The following DNAI3 variants were observed in gnomAD, a reference collection of about 807,000 sequenced individuals.
DNAI3 encodes dynein axonemal intermediate chain 3.
A neutral mutation model predicts 115.5 loss-of-function variants in DNAI3; 83 were observed. That is an observed-to-expected ratio of 0.72 (90% CI 0.60 to 0.86). The LOEUF is 0.86. DNAI3 is among the 40% of genes least tolerant of loss of function. The pLI is 0.00. For missense variants in DNAI3, 1,004 were observed against 1,075.8 expected (o/e 0.93, Z 0.93); for synonymous variants, 320 against 347.0 (o/e 0.92, Z 0.86).
At chr1:85,103,485 C>T (rs1016764139) in intron 13 of DNAI3, among the ~76,000 whole-genome samples, 10 of 152,162 alleles carry the variant, frequency 6.6e-5, no homozygotes, top group African/African-American at 2.4e-4. Flanking sequence ...CTCATAAAAG[C>T]CTCTATGTTC....
At chr1:85,117,919 C>CAGGG in intron 17 of DNAI3, 60 bp downstream of exon 17, 2 of 1,553,720 alleles carry the variant, frequency 1.3e-6, no homozygotes, top group Non-Finnish European at 1.8e-6. Context: ...TATGTTATTA[C>CAGGG]AATATCTACT....
chr1:85,089,523 A>G (rs1285025308), intron 7 of DNAI3, among the ~76,000 whole-genome samples: 3 of 149,636 alleles, frequency 2.0e-5, no homozygotes, highest in Admixed American at 6.7e-5. Context: ...AATGTATCTT[A>G]TTCCTAGTTT....
At chr1:85,128,158 A>G (rs709781) in intron 20 of DNAI3, among the ~76,000 whole-genome samples, 5,109 of 127,466 alleles carry the variant, frequency 0.04, 127 homozygotes, top group African/African-American at 0.13. Context: ...AAAGAAGAAG[A>G]AGAAGGAGAA....
chr1:85,071,566 C>T (rs1654274526), intron 1 of DNAI3, among the ~76,000 whole-genome samples: 1 of 152,192 alleles, frequency 6.6e-6, no homozygotes, highest in African/African-American at 2.4e-5. Flanking sequence ...GTTGGGAAGC[C>T]CAGCAAAAGG....
intron 8 of DNAI3, among the ~76,000 whole-genome samples, chr1:85,091,566 T>C (rs1160687523): frequency 6.6e-6 from 1 of 152,206 alleles, no homozygotes; most frequent in Non-Finnish European, 1.5e-5. Context: ...ATTCAATAGT[T>C]TTTAATTAAG....
At position 85,095,956 on chromosome 1, in the gene DNAI3, T is replaced by C; in HGVS notation, c.1199T>C (p.Ile400Thr). 1 of 1,614,022 alleles carries C rather than the reference T, an allele frequency of 6.2e-7. No homozygotes were observed. Among genetic ancestry groups the C allele is most frequent in the Non-Finnish European group, 8.5e-7 (1 of 1,179,898 alleles). Residue 400 changes from isoleucine (I) to threonine (T), a missense_variant, in exon 11 of 23, where the codon ATC becomes ACC. Ile to Thr is a moderately conservative substitution (Grantham distance 89). This residue lies in a region of DNAI3 where 550 missense variants were observed against 568.1 expected (regional missense o/e 0.97). Coordinates refer to ENST00000294664, the MANE Select transcript of DNAI3 (RefSeq NM_145172.5). ...PQLMLESPDD[I>T]FCFKFCPSDP... Reference sequence around the variant, plus strand: ...TTAATGCTGGAGAGCCCAGATGACATCTTCTGCTTCAAGTTCTGTCCGAGT... The same window carrying C: ...TTAATGCTGGAGAGCCCAGATGACACCTTCTGCTTCAAGTTCTGTCCGAGT...
chr1:85,100,300 A>G (rs980684935), intron 13 of DNAI3, among the ~76,000 whole-genome samples: 1 of 152,212 alleles, frequency 6.6e-6, no homozygotes, highest in Non-Finnish European at 1.5e-5. Flanking sequence ...ACCCCATCAA[A>G]AAGTGGACGA....
chr1:85,098,321 A>C (rs1191378713), intron 12 of DNAI3, among the ~76,000 whole-genome samples: 1 of 152,230 alleles, frequency 6.6e-6, no homozygotes, highest in African/African-American at 2.4e-5. Context: ...ATACTTGTTA[A>C]GTTTAGAGAA....
intron 4 of DNAI3, among the ~76,000 whole-genome samples, chr1:85,081,940 C>A (rs1416559607): frequency 6.6e-6 from 1 of 152,232 alleles, no homozygotes; most frequent in Non-Finnish European, 1.5e-5. Flanking sequence ...CGTGCTCCGC[C>A]TTTGCCCAGT....
chr1:85,086,138 A>G (rs1654794365), intron 7 of DNAI3, 108 bp downstream of exon 7: 1 of 967,892 alleles, frequency 1.0e-6, no homozygotes, highest in African/African-American at 1.7e-5. Flanking sequence ...TGGATTAATG[A>G]TGATGACACA....
intron 13 of DNAI3, among the ~76,000 whole-genome samples, chr1:85,102,404 A>G (rs955457943): frequency 6.6e-6 from 1 of 152,162 alleles, no homozygotes; most frequent in Non-Finnish European, 1.5e-5. Context: ...TATTTGTACC[A>G]AATATGGTAA....
chr1:85,071,351 C>A (rs1470397266), intron 1 of DNAI3, among the ~76,000 whole-genome samples: 2 of 152,192 alleles, frequency 1.3e-5, no homozygotes, highest in African/African-American at 2.4e-5. Context: ...AGTGTTCTGT[C>A]CTGTCAAAAT....
chr1:85,072,042 G>C (rs760243656), intron 2 of DNAI3, 37 bp downstream of exon 2: 1 of 1,573,756 alleles, frequency 6.4e-7, no homozygotes, highest in Non-Finnish European at 8.6e-7. Context: ...ATTTTTTGTG[G>C]AGTATTTGTG....
rs1341724925 is a variant in DNAI3, at chr1:85,113,386, T to G, written c.1786+3251T>G. On this transcript the variant is annotated intron_variant, in intron 16 of 22. Transcript: ENST00000294664. ...GGGCTATGATTTCTTTTGAGTTAAT[T>G]TTTGTAATTGGTATATGTTATGGAT... 3.3e-5 allele frequency among the ~76,000 whole-genome samples: 5 copies of G among 152,212 alleles called. No individual in the cohort carries two copies. In the East Asian group the frequency reaches 9.6e-4, roughly 29 times the overall value.
chr1:85,064,679 T>C (rs769063047), intron 1 of DNAI3, among the ~76,000 whole-genome samples: 2 of 151,678 alleles, frequency 1.3e-5, no homozygotes, highest in African/African-American at 2.4e-5. Flanking sequence ...GCAGGAGGAT[T>C]GCTTGAGGCC....
Position 85,104,537 on chromosome 1 carries a change from G to A in DNAI3, c.1493G>A (p.Gly498Asp), listed in dbSNP as rs374763084. The A allele has an allele frequency of 1.9e-6, 3 of 1,613,488 alleles. No individual in the cohort carries two copies. The highest frequency in any genetic ancestry group is 2.5e-6 in the Non-Finnish European group (3 of 1,179,700). ...TTTGAAAAATAGATTAACAGAATGGGCTCCGTCTTTGAGAATCGAAGTGGA... is the reference window on the plus strand; with the variant it reads ...TTTGAAAAATAGATTAACAGAATGGACTCCGTCTTTGAGAATCGAAGTGGA... The part of the protein sequence containing the change: ...LSDTFEINRM[G>D]SVFENRSGIC... The change falls in exon 14 of 23, where the codon GGC becomes GAC. Residue 498 changes from glycine (G) to aspartate (D), a missense_variant. Physicochemically the swap from Gly to Asp is moderately conservative, Grantham distance 94. Around this residue, in one of 3 missense-constraint regions of DNAI3, gnomAD observed 25 missense variants for 53.4 expected, o/e 0.47. Coordinates refer to ENST00000294664, the MANE Select transcript of DNAI3 (RefSeq NM_145172.5).
At chr1:85,092,326 G>A (rs75126524) in intron 8 of DNAI3, among the ~76,000 whole-genome samples, 245 of 152,166 alleles carry the variant, frequency 1.6e-3, no homozygotes, top group Non-Finnish European at 2.0e-3. Flanking sequence ...GGTATCAAAC[G>A]GTGCCCTTTT....
intron 19 of DNAI3, among the ~76,000 whole-genome samples, chr1:85,125,744 C>T (rs1313545034): frequency 1.3e-5 from 2 of 152,178 alleles, no homozygotes; most frequent in African/African-American, 4.8e-5. Flanking sequence ...AGGAAAATCT[C>T]TTATGCATAT....
intron 7 of DNAI3, among the ~76,000 whole-genome samples, chr1:85,088,030 G>T (rs547947083): frequency 6.6e-6 from 1 of 152,178 alleles, no homozygotes; most frequent in South Asian, 2.1e-4. Flanking sequence ...GGCAAGAATT[G>T]GTGGTCAAGT....
Sources: allele counts gnomAD v4.1 joint callset (sites outside exome capture counted in the v4.1 genomes callset), GRCh38; gene constraint gnomAD v4.1.1; regional missense constraint gnomAD v4.1.1; transcripts MANE v1.5; gene names NCBI Gene and HGNC (gene_info 2026-07-23, HGNC 2026-07-21).